The following KIRREL3 variants were observed in gnomAD, a reference collection of about 807,000 sequenced individuals.
The protein encoded by KIRREL3 is kirre like nephrin family adhesion molecule 3, also known as kin of IRRE-like protein 3.
Under a neutral mutation model 89.7 loss-of-function variants are expected in KIRREL3, and 36 were observed. That is an observed-to-expected ratio of 0.40 (90% CI 0.31 to 0.53). The LOEUF (loss-of-function observed/expected upper bound fraction) is 0.53. Among genes scored for constraint, KIRREL3 ranks in the 20% least tolerant of loss-of-function variants. The pLI is 0.49. For missense variants in KIRREL3, 864 were observed against 1,056.6 expected, an observed-to-expected ratio of 0.82 and a Z score of 2.53; for synonymous variants, 445 against 441.4, an observed-to-expected ratio of 1.01 and a Z score of -0.10.
chr11:126,775,976 C>T (rs889208309), intron 1 of KIRREL3, among the ~76,000 whole-genome samples: 4 of 152,124 alleles, frequency 2.6e-5, no homozygotes, highest in African/African-American at 7.2e-5. Context: ...GGCTGATGGA[C>T]GACAGTACTT....
intron 1 of KIRREL3, among the ~76,000 whole-genome samples, chr11:126,964,664 A>C (rs942769499): frequency 2.0e-5 from 3 of 152,152 alleles, no homozygotes; most frequent in Non-Finnish European, 2.9e-5. Flanking sequence ...GATTTATTAG[A>C]ACAGAATCAA....
intron 9 of KIRREL3, 119 bp from the exon 10 acceptor site, chr11:126,445,224 T>C: frequency 7.6e-7 from 1 of 1,321,524 alleles, no homozygotes; most frequent in Non-Finnish European, 1.0e-6. Context: ...GGCATCTCAG[T>C]AGGAAGCAAG....
Position 126,517,256 on chromosome 11 carries a change from C to G in KIRREL3, c.433+4059G>C, listed in dbSNP as rs141885678. 2.8e-3 allele frequency among the ~76,000 whole-genome samples: 430 copies of G among 152,172 alleles called. 2 individuals carry two copies. The highest frequency in any genetic ancestry group is 9.4e-3 in the African/African-American group (390 of 41,516). On this transcript the variant is annotated intron_variant, in intron 4 of 16. Transcript: ENST00000525144. ...TAGATGAAGAACCAGAAACGTCATT[C>G]ATTCATTCATTCACGCTGGTTATAG...
chr11:126,426,229 G>A (rs1270888750), intron 15 of KIRREL3, among the ~76,000 whole-genome samples: 1 of 152,234 alleles, frequency 6.6e-6, no homozygotes, highest in Non-Finnish European at 1.5e-5. Context: ...TGCAGGCCTA[G>A]TGCAGGCCTT....
At chr11:126,835,524 C>T (rs541781991) in intron 1 of KIRREL3, among the ~76,000 whole-genome samples, 40 of 152,290 alleles carry the variant, frequency 2.6e-4, no homozygotes, top group South Asian at 6.2e-4. Context: ...ATGCCCACTA[C>T]GTGTTTGATC....
At position 126,462,063 on chromosome 11, in the gene KIRREL3, T is replaced by C. The variant is rs1956564944; in HGVS notation, c.742+1094A>G. ...TGAGAGGAAGGCCCCTGGAACACCT[T>C]GCTGAGCTCTTCTTGGTTCTGGGGC... On this transcript the variant is annotated intron_variant, in intron 6 of 16. Coordinates refer to ENST00000525144, the MANE Select transcript of KIRREL3 (RefSeq NM_032531.4). The surrounding 1 kb of genome is among the most constrained non-coding windows in gnomAD (Gnocchi z 4.8). Among the ~76,000 whole-genome samples the C allele has an allele frequency of 1.3e-5, 2 of 152,138 alleles. No homozygotes were observed. Among genetic ancestry groups the C allele is most frequent in the South Asian group, 2.1e-4 (1 of 4,824 alleles).
At position 126,438,876 on chromosome 11, in the gene KIRREL3, G is replaced by A. The variant is rs12275706; in HGVS notation, c.1353+1573C>T. 6.7e-3 allele frequency among the ~76,000 whole-genome samples: 1,025 copies of A among 152,162 alleles called. 16 individuals carry two copies. Among genetic ancestry groups the A allele is most frequent in the African/African-American group, 0.023 (958 of 41,500 alleles). ...TGGGTGTCTCAGCCCCCGCATGCAC[G>A]GGTTAGGGGTGACCTCAGCTGCTTC... On this transcript the variant is annotated intron_variant, in intron 11 of 16. Transcript: ENST00000525144.
chr11:126,492,238 C>T lies in KIRREL3; in HGVS notation c.434-18772G>A, dbSNP rs963861936. Among the ~76,000 whole-genome samples the T allele has an allele frequency of 7.9e-5, 12 of 152,160 alleles. No individual in the cohort carries two copies. Among genetic ancestry groups the T allele is most frequent in the Non-Finnish European group, 1.6e-4 (11 of 68,042 alleles). On this transcript the variant is annotated intron_variant, in intron 4 of 16. Coordinates refer to ENST00000525144, the MANE Select transcript of KIRREL3 (RefSeq NM_032531.4). The surrounding 1 kb of genome is among the most constrained non-coding windows in gnomAD (Gnocchi z 4.8). ...TGCAGCGTGAGGGAGTGAGGTTAGA[C>T]ATCTGGAAGAACTGTTGTTGGAGAC...
chr11:126,447,841 G>A (rs569219210), intron 8 of KIRREL3, among the ~76,000 whole-genome samples: 1 of 152,324 alleles, frequency 6.6e-6, no homozygotes, highest in South Asian at 2.1e-4. Context: ...CAAGGGCAAG[G>A]GGGAGGGCCA....
chr11:126,834,798 C>T (rs1943724786), intron 1 of KIRREL3, among the ~76,000 whole-genome samples: 1 of 152,256 alleles, frequency 6.6e-6, no homozygotes, highest in Non-Finnish European at 1.5e-5. Context: ...GCCTGTGCCA[C>T]CATTCCAGAC....
chr11:126,945,974 G>A (rs137995841), intron 1 of KIRREL3, among the ~76,000 whole-genome samples: 2 of 152,140 alleles, frequency 1.3e-5, no homozygotes, highest in Non-Finnish European at 2.9e-5. Flanking sequence ...ATATATCAGA[G>A]CCTTTGGTCA....
intron 1 of KIRREL3, among the ~76,000 whole-genome samples, chr11:126,944,762 A>C (rs1948568977): frequency 6.6e-6 from 1 of 152,136 alleles, no homozygotes; most frequent in South Asian, 2.1e-4. Flanking sequence ...GCTGGAGCTG[A>C]CTCGGAGAGA....
chr11:126,737,195 C>T (rs1388108741), intron 1 of KIRREL3, among the ~76,000 whole-genome samples: 1 of 152,132 alleles, frequency 6.6e-6, no homozygotes, highest in African/African-American at 2.4e-5. Context: ...TGACTGTCAG[C>T]ACACTGGGCT....
At chr11:126,473,604 G>A (rs746254456) in intron 4 of KIRREL3, 138 bp from the exon 5 acceptor site, 137 of 701,750 alleles carry the variant, frequency 2.0e-4, no homozygotes, top group East Asian at 4.5e-4. Flanking sequence ...CGCTTGTATC[G>A]TAATGATGAG....
rs532925963 is a variant in KIRREL3, at chr11:126,826,605, G to A, written c.55+173850C>T. Among the ~76,000 whole-genome samples, 10 of 152,194 alleles carry A rather than the reference G, an allele frequency of 6.6e-5. No individual in the cohort carries two copies. In the East Asian group the frequency reaches 1.4e-3, roughly 21 times the overall value. ...AGTTATTTCTGCTTTGAACTTTCAC[G>A]GCTAAGAAGTTTTGGGAAATACGTG... is the stretch of plus-strand genomic sequence containing the variant. On this transcript the variant is annotated intron_variant, in intron 1 of 16. Coordinates refer to ENST00000525144, the MANE Select transcript of KIRREL3 (RefSeq NM_032531.4).
chr11:126,945,892 G>T (rs1042972183), intron 1 of KIRREL3, among the ~76,000 whole-genome samples: 1 of 152,096 alleles, frequency 6.6e-6, no homozygotes, highest in African/African-American at 2.4e-5. Flanking sequence ...GCCTATTAAG[G>T]TCCCTTTTAG....
At chr11:126,950,306 G>A (rs553843526) in intron 1 of KIRREL3, among the ~76,000 whole-genome samples, 79 of 152,286 alleles carry the variant, frequency 5.2e-4, no homozygotes, top group African/African-American at 1.7e-3. Context: ...GACGGAGATT[G>A]CAGTGAGCAG....
At chr11:126,801,020 G>A (rs1951016048) in intron 1 of KIRREL3, among the ~76,000 whole-genome samples, 1 of 152,166 alleles carries the variant, frequency 6.6e-6, no homozygotes, top group South Asian at 2.1e-4. Flanking sequence ...TGTGGTGCAT[G>A]CGTGCCCACA....
rs573449284 is a variant in KIRREL3 at position 126,599,739 on chromosome 11, T to C, written c.56-36827A>G. On this transcript the variant is annotated intron_variant, in intron 1 of 16. Coordinates refer to ENST00000525144, the MANE Select transcript of KIRREL3 (RefSeq NM_032531.4). ...CCCTCATCTCTGGTCCATACAGTAA[T>C]GACCCTCTGATGTGTAACCTTCACT... is the stretch of plus-strand genomic sequence containing the variant. 1.3e-4 allele frequency among the ~76,000 whole-genome samples: 20 copies of C among 152,346 alleles called. No individual in the cohort carries two copies. The South Asian group carries it at 1.9e-3, about 14-fold the overall frequency.
Sources: gnomAD v4.1 joint callset for allele counts (sites outside exome capture counted in the v4.1 genomes callset) on GRCh38, gnomAD v4.1.1 for gene constraint, Gnocchi (gnomAD v3.1) non-coding constraint, MANE v1.5 for transcripts, NCBI Gene and HGNC (gene_info 2026-07-23, HGNC 2026-07-21) for gene names.